Variants in SSH2 observed in about 807,000 individuals in gnomAD.
The protein encoded by SSH2 is slingshot protein phosphatase 2, also known as protein phosphatase Slingshot homolog 2.
Under a neutral mutation model 135.2 loss-of-function variants are expected in SSH2, and 37 were observed. That is an observed-to-expected ratio of 0.27 (90% CI 0.21 to 0.36). The LOEUF (loss-of-function observed/expected upper bound fraction) is 0.36. SSH2 is among the 10% of genes least tolerant of loss of function. The pLI is 1.00. For synonymous variants in SSH2, 628 were observed against 646.2 expected (o/e 0.97, Z 0.43); for missense variants, 1,408 against 1,765.3 (o/e 0.80, Z 3.63).
At chr17:29,755,357 T>G (rs1213486681) in intron 3 of SSH2, among the ~76,000 whole-genome samples, 1 of 152,230 alleles carries the variant, frequency 6.6e-6, no homozygotes, top group Non-Finnish European at 1.5e-5. Flanking sequence ...CTGGAATGAT[T>G]TTGATCATTT....
At chr17:29,654,880 G>T (rs1336322645) in intron 12 of SSH2, among the ~76,000 whole-genome samples, 1 of 152,106 alleles carries the variant, frequency 6.6e-6, no homozygotes, top group African/African-American at 2.4e-5. Flanking sequence ...TTTATCTGTG[G>T]ATCCCCAGCA....
At position 29,663,317 on chromosome 17, in the gene SSH2, ACT is replaced by A. The variant is rs767117333; in HGVS notation, c.1032+3548_1032+3549del. On this transcript the variant is annotated intron_variant, in intron 11 of 15. Coordinates refer to ENST00000540801, the MANE Select transcript of SSH2 (RefSeq NM_001282129.2). ...CATGGCAGCTATGCAAGATGAGATG[ACT>A]CTGCAGAAAATCAACACCACCACTT... 1.3e-4 allele frequency among the ~76,000 whole-genome samples: 20 copies of A among 152,342 alleles called. No homozygotes were observed. The South Asian group carries it at 3.5e-3, about 27-fold the overall frequency.
chr17:29,685,544 G>T lies in SSH2; in HGVS notation c.358-860C>A, dbSNP rs745868101. Among the ~76,000 whole-genome samples, 200 of 152,196 alleles carry T rather than the reference G, an allele frequency of 1.3e-3. 3 individuals are homozygous for T. Among genetic ancestry groups the T allele is most frequent in the Non-Finnish European group, 2.1e-4 (14 of 68,018 alleles). On this transcript the variant is annotated intron_variant, in intron 5 of 15. Transcript: ENST00000540801. ...CTCATGCCTGTAATCCCAGCACTTT[G>T]GGAGGCCAAGGTAGGCAGATCACCA...
intron 1 of SSH2, among the ~76,000 whole-genome samples, chr17:29,898,549 C>T (rs1008738955): frequency 4.6e-5 from 7 of 151,708 alleles, no homozygotes; most frequent in Middle Eastern, 3.2e-3. Context: ...ATAAATTCCT[C>T]GACACATACA....
At chr17:29,681,812 G>T (rs1336973326) in intron 6 of SSH2, among the ~76,000 whole-genome samples, 3 of 152,110 alleles carry the variant, frequency 2.0e-5, no homozygotes, top group African/African-American at 7.2e-5. Flanking sequence ...TACATTCTCA[G>T]ATATGAAATG....
chr17:29,693,866 A>G (rs2038600561), intron 5 of SSH2, among the ~76,000 whole-genome samples: 1 of 152,142 alleles, frequency 6.6e-6, no homozygotes, highest in South Asian at 2.1e-4. Context: ...TCTATTCTGT[A>G]TTAGCTTCTG....
intron 1 of SSH2, among the ~76,000 whole-genome samples, chr17:29,871,376 T>A (rs2065933994): frequency 6.6e-6 from 1 of 152,332 alleles, no homozygotes; most frequent in Admixed American, 6.5e-5. Context: ...ATTTATGTTC[T>A]GGAACATTGG....
intron 3 of SSH2, among the ~76,000 whole-genome samples, chr17:29,723,685 A>C (rs920973285): frequency 4.6e-5 from 6 of 130,172 alleles, no homozygotes; most frequent in African/African-American, 1.5e-4. Flanking sequence ...TGTGTTTTCA[A>C]TTTTTATAAA....
intron 3 of SSH2, among the ~76,000 whole-genome samples, chr17:29,788,790 G>A (rs1415267594): frequency 6.6e-6 from 1 of 152,154 alleles, no homozygotes; most frequent in Non-Finnish European, 1.5e-5. Context: ...ATGGGTAGAA[G>A]AGTTTTGAAG....
Position 29,858,833 on chromosome 17 carries a change from C to A in SSH2, c.64-9904G>T, listed in dbSNP as rs1292308543. On this transcript the variant is annotated intron_variant, in intron 1 of 15. Transcript: ENST00000540801. ...TTTACAGTGAGCTATGATCACACCA[C>A]TGCATTTTAGCCTAGATGGCAGAGC... Among the ~76,000 whole-genome samples the A allele has an allele frequency of 2.0e-5, 3 of 152,088 alleles. No homozygotes were observed. In the East Asian group the frequency reaches 5.8e-4, roughly 29 times the overall value.
intron 3 of SSH2, among the ~76,000 whole-genome samples, chr17:29,717,369 C>G (rs551985169): frequency 1.3e-5 from 2 of 152,218 alleles, no homozygotes; most frequent in Admixed American, 1.3e-4. Context: ...CTTCTGGACT[C>G]AAGCAATCCT....
chr17:29,842,599 C>T (rs1004828389), intron 2 of SSH2, among the ~76,000 whole-genome samples: 4 of 152,046 alleles, frequency 2.6e-5, no homozygotes, highest in African/African-American at 9.7e-5. Flanking sequence ...CACTCAAGAG[C>T]GTAAGATTTT....
At chr17:29,798,042 G>A (rs912590612) in intron 2 of SSH2, among the ~76,000 whole-genome samples, 7 of 151,856 alleles carry the variant, frequency 4.6e-5, no homozygotes, top group African/African-American at 1.2e-4. Context: ...CATTTACACC[G>A]CTTTATACCC....
At chr17:29,634,935 C>T (rs1175197752) in intron 15 of SSH2, among the ~76,000 whole-genome samples, 3 of 152,036 alleles carry the variant, frequency 2.0e-5, no homozygotes, top group African/African-American at 7.3e-5. Context: ...GACAGTCACA[C>T]TCTGTCATCC....
intron 3 of SSH2, among the ~76,000 whole-genome samples, chr17:29,770,281 G>A (rs755180219): frequency 3.0e-4 from 45 of 151,330 alleles, no homozygotes; most frequent in Non-Finnish European, 5.0e-4. Flanking sequence ...GCTAATTTTT[G>A]TATTTTTGGT....
In SSH2 at chr17:29,793,913, A is replaced by G. The variant is rs763859751; in HGVS notation, c.169T>C (p.Cys57Arg). The G allele has an allele frequency of 6.2e-7, 1 of 1,613,732 alleles. No individual in the cohort carries two copies. The highest frequency in any genetic ancestry group is 8.5e-7 in the Non-Finnish European group (1 of 1,179,690). Residue 57 changes from cysteine (C) to arginine (R), a missense_variant, in exon 3 of 16, where the codon TGC becomes CGC. Cys to Arg is a radical substitution (Grantham distance 180). Coordinates refer to ENST00000540801, the MANE Select transcript of SSH2 (RefSeq NM_001282129.2). ...ACATACCTCCTGGGCTGTGACCGGCATTCTTCCTCCCCACTGTCTGCCTCC... is the reference window on the plus strand; with the variant it reads ...ACATACCTCCTGGGCTGTGACCGGCGTTCTTCCTCCCCACTGTCTGCCTCC... ...SNEADSGEEE[C>R]RSQPRSISES...
intron 2 of SSH2, among the ~76,000 whole-genome samples, chr17:29,829,852 T>C (rs1046350637): frequency 6.6e-6 from 1 of 151,238 alleles, no homozygotes. Flanking sequence ...TTTTTTTTTT[T>C]TTTTTGAGAC....
intron 1 of SSH2, among the ~76,000 whole-genome samples, chr17:29,864,443 T>C (rs1223822360): frequency 6.6e-6 from 1 of 151,982 alleles, no homozygotes. Context: ...TTCAGGTCTC[T>C]TATAGATATA....
At chr17:29,756,557 C>A (rs2041134111) in intron 3 of SSH2, among the ~76,000 whole-genome samples, 1 of 148,330 alleles carries the variant, frequency 6.7e-6, no homozygotes, top group South Asian at 2.2e-4. Context: ...GTCTCAAACT[C>A]CTGTCCTCCC....
Sources: allele counts gnomAD v4.1 joint callset (sites outside exome capture counted in the v4.1 genomes callset), GRCh38; gene constraint gnomAD v4.1.1; transcripts MANE v1.5; gene names NCBI Gene and HGNC (gene_info 2026-07-23, HGNC 2026-07-21).